The following NR6A1 variants were observed in gnomAD, a reference collection of about 807,000 sequenced individuals.
The protein encoded by NR6A1 is nuclear receptor subfamily 6 group A member 1, also known as retinoic acid receptor-related testis-associated receptor.
In NR6A1, 7 loss-of-function variants were observed where a neutral mutation model predicts 59.1. The ratio of observed to expected loss-of-function variants is 0.12; its 90% CI spans 0.07 to 0.22. The LOEUF (loss-of-function observed/expected upper bound fraction) is 0.22, where lower values mean the gene tolerates loss of function less well. Among genes scored for constraint, NR6A1 ranks in the 10% least tolerant of loss-of-function variants. The pLI is 1.00. For synonymous variants in NR6A1, 243 were observed against 236.1 expected, an observed-to-expected ratio of 1.03 and a Z score of -0.27; for missense variants, 468 against 611.6, an observed-to-expected ratio of 0.77 and a Z score of 2.48.
chr9:124,562,888 T>C (rs992103209), intron 2 of NR6A1, among the ~76,000 whole-genome samples: 1 of 152,180 alleles, frequency 6.6e-6, no homozygotes, highest in African/African-American at 2.4e-5. Flanking sequence ...AATAAATGGA[T>C]ATGCCCATCT....
chr9:124,578,740 T>G (rs902037551), intron 2 of NR6A1, among the ~76,000 whole-genome samples: 1 of 152,204 alleles, frequency 6.6e-6, no homozygotes, highest in Admixed American at 6.5e-5. Flanking sequence ...TTCAAAACAC[T>G]CTACTTCCTC....
chr9:124,530,837 G>A (rs1833079228), intron 7 of NR6A1, among the ~76,000 whole-genome samples: 1 of 152,214 alleles, frequency 6.6e-6, no homozygotes, highest in Non-Finnish European at 1.5e-5. Flanking sequence ...TAAGAATTTA[G>A]TATAAGGCAA....
intron 2 of NR6A1, among the ~76,000 whole-genome samples, chr9:124,589,205 G>A (rs1269155526): frequency 6.6e-6 from 1 of 152,200 alleles, no homozygotes; most frequent in Non-Finnish European, 1.5e-5. Flanking sequence ...CCAGCACTTT[G>A]GGTGGCTGAG....
At chr9:124,566,300 T>C (rs776425973) in intron 2 of NR6A1, among the ~76,000 whole-genome samples, 1 of 152,208 alleles carries the variant, frequency 6.6e-6, no homozygotes, top group Non-Finnish European at 1.5e-5. Flanking sequence ...ATCCTGGCAG[T>C]GTTCTGTATC....
chr9:124,709,454 G>C (rs1017636114), intron 2 of NR6A1, among the ~76,000 whole-genome samples: 3 of 152,114 alleles, frequency 2.0e-5, no homozygotes, highest in Non-Finnish European at 4.4e-5. Context: ...GGGGAGGGGA[G>C]GGGCAGCCAT....
At chr9:124,751,345 CGA>C (rs1489126182) in intron 1 of NR6A1, among the ~76,000 whole-genome samples, 1 of 152,094 alleles carries the variant, frequency 6.6e-6, no homozygotes. Context: ...CCTCTAAGAA[CGA>C]GAGAAAAATT....
chr9:124,771,235 C>T lies in NR6A1; in HGVS notation c.-116G>A, dbSNP rs1387338339. The T allele has an allele frequency of 3.8e-6, 2 of 524,554 alleles. No individual in the cohort carries two copies. Among genetic ancestry groups the T allele is most frequent in the Non-Finnish European group, 5.8e-6 (2 of 343,480 alleles). The allele number at this position is 524,554 out of a possible 1,614,324, so 32.5% of individuals were successfully genotyped here. On this transcript the variant is annotated 5_prime_UTR_variant, in exon 1 of 10. Transcript: ENST00000487099. ...TTGTCAGGAGCCCGCGAGCTCCCGG[C>T]CGCGGCTCTCTCTGGGCCCCGAGCC... is the stretch of plus-strand genomic sequence containing the variant.
At chr9:124,619,941 A>G (rs1328785532) in intron 2 of NR6A1, among the ~76,000 whole-genome samples, 1 of 152,140 alleles carries the variant, frequency 6.6e-6, no homozygotes, top group African/African-American at 2.4e-5. Context: ...CATGCCTGTA[A>G]TCCCAGCTAC....
At chr9:124,536,856 C>G (rs1449805544) in intron 6 of NR6A1, among the ~76,000 whole-genome samples, 2 of 152,150 alleles carry the variant, frequency 1.3e-5, no homozygotes, top group Non-Finnish European at 2.9e-5. Flanking sequence ...CGCGTCCAGA[C>G]CACTGAAGGA....
At chr9:124,541,258 G>A (rs979042485) in intron 4 of NR6A1, among the ~76,000 whole-genome samples, 2 of 151,804 alleles carry the variant, frequency 1.3e-5, no homozygotes, top group African/African-American at 4.8e-5. Context: ...CAACATACAA[G>A]GAACTCCCAT....
chr9:124,730,231 T>C (rs947824122), intron 2 of NR6A1, among the ~76,000 whole-genome samples: 1 of 152,180 alleles, frequency 6.6e-6, no homozygotes, highest in Non-Finnish European at 1.5e-5. Flanking sequence ...TAAGTACAAA[T>C]TTTTTGGTTT....
chr9:124,633,400 C>G (rs1217587294), intron 2 of NR6A1, among the ~76,000 whole-genome samples: 1 of 70,940 alleles, frequency 1.4e-5, no homozygotes. Flanking sequence ...GAAACTCCGT[C>G]TCAAAAAAAA....
At chr9:124,653,926 C>T (rs1237793729) in intron 2 of NR6A1, among the ~76,000 whole-genome samples, 2 of 152,224 alleles carry the variant, frequency 1.3e-5, no homozygotes, top group East Asian at 3.9e-4. Context: ...AGGACATATG[C>T]TTCTAAATTA....
At chr9:124,555,106 A>ACT in intron 2 of NR6A1, among the ~76,000 whole-genome samples, 1 of 152,116 alleles carries the variant, frequency 6.6e-6, no homozygotes, top group South Asian at 2.1e-4. Context: ...TGAAGCTTAC[A>ACT]CTCTAGCAGA....
chr9:124,742,508 C>T (rs1840202009), intron 1 of NR6A1, among the ~76,000 whole-genome samples: 1 of 151,728 alleles, frequency 6.6e-6, no homozygotes, highest in African/African-American at 2.4e-5. Flanking sequence ...TGTGGTGAGC[C>T]GAGATCGCAC....
intron 2 of NR6A1, among the ~76,000 whole-genome samples, chr9:124,591,489 C>G: frequency 6.6e-6 from 1 of 152,310 alleles, no homozygotes; most frequent in South Asian, 2.1e-4. Context: ...CAACAGGGGA[C>G]GAGTCCTTGC....
chr9:124,645,309 T>G (rs1015565196), intron 2 of NR6A1, among the ~76,000 whole-genome samples: 4 of 152,224 alleles, frequency 2.6e-5, no homozygotes, highest in Non-Finnish European at 5.9e-5. Context: ...GTAATCACTT[T>G]GAACATCAAT....
Position 124,747,701 on chromosome 9 carries a change from C to G in NR6A1, c.101-14352G>C, listed in dbSNP as rs568810339. ...CCAGGTACCACCAACTCTCATCCCC[C>G]AAGCCAGAGATCCCCAAAGACTCCT... On this transcript the variant is annotated intron_variant, in intron 1 of 9. Transcript: ENST00000487099. 2.6e-5 allele frequency among the ~76,000 whole-genome samples: 4 copies of G among 152,276 alleles called. No individual in the cohort carries two copies. In the East Asian group the frequency reaches 7.7e-4, roughly 29 times the overall value.
At chr9:124,529,210 C>T (rs187650145) in intron 7 of NR6A1, among the ~76,000 whole-genome samples, 1 of 152,292 alleles carries the variant, frequency 6.6e-6, no homozygotes, top group East Asian at 1.9e-4. Context: ...TCTATAATAC[C>T]GTTTCTACCA....
Sources: allele counts gnomAD v4.1 joint callset (sites outside exome capture counted in the v4.1 genomes callset), GRCh38; gene constraint gnomAD v4.1.1; transcripts MANE v1.5; gene names NCBI Gene and HGNC (gene_info 2026-07-23, HGNC 2026-07-21).